The following GTF2E2 variants were observed in gnomAD, a reference collection of about 807,000 sequenced individuals.
GTF2E2 encodes transcription initiation factor IIE subunit beta.
A neutral mutation model predicts 40.5 loss-of-function variants in GTF2E2; 21 were observed. The observed-to-expected ratio is 0.52, with a 90% CI of 0.37 to 0.75. GTF2E2 has a LOEUF of 0.75. Ranked by LOEUF, GTF2E2 falls within the 30% of genes least tolerant of loss-of-function variation. The pLI is 0.00. For synonymous variants in GTF2E2, 117 were observed against 121.6 expected, an observed-to-expected ratio of 0.96 and a Z score of 0.25; for missense variants, 298 against 338.4, an observed-to-expected ratio of 0.88 and a Z score of 0.94.
chr8:30,654,353 TTAAA>T (rs1182242177), intron 1 of GTF2E2, among the ~76,000 whole-genome samples: 16 of 152,288 alleles, frequency 1.1e-4, no homozygotes, highest in African/African-American at 3.6e-4. Context: ...ATATACTGGG[TTAAA>T]TAAAATGTTA....
rs1470024558 is a variant in GTF2E2, at chr8:30,612,225, T to C, written c.549+74A>G. The C allele has an allele frequency of 5.3e-6, 5 of 943,184 alleles. No homozygotes were observed. The African/African-American group carries it at 6.6e-5, about 12-fold the overall frequency. 58.4% of individuals were successfully genotyped at this position (943,184 alleles called of 1,614,324 possible). Reference sequence around the variant, plus strand: ...AAGCTTTAAAAACAATTGTAAAATGTTTGATATTTTTAAAACCAAGAAGTC... The same window carrying C: ...AAGCTTTAAAAACAATTGTAAAATGCTTGATATTTTTAAAACCAAGAAGTC... On this transcript the variant is annotated intron_variant, in intron 5 of 7. Coordinates refer to ENST00000355904, the MANE Select transcript of GTF2E2 (RefSeq NM_002095.6).
chr8:30,638,686 T>G (rs1047909339), intron 2 of GTF2E2: 1 of 152,616 alleles, frequency 6.6e-6, no homozygotes, highest in Non-Finnish European at 1.5e-5. Context: ...GTCCTTATGA[T>G]GCAATAGGAA....
chr8:30,615,540 A>G (rs1006963247), intron 3 of GTF2E2, among the ~76,000 whole-genome samples: 6 of 152,216 alleles, frequency 3.9e-5, no homozygotes, highest in Non-Finnish European at 7.3e-5. Flanking sequence ...TCCACTACAC[A>G]GATGTTCACA....
intron 6 of GTF2E2, among the ~76,000 whole-genome samples, chr8:30,587,029 T>A (rs958055276): frequency 3.9e-5 from 6 of 152,226 alleles, no homozygotes; most frequent in African/African-American, 1.4e-4. Context: ...ACCAAAAAGC[T>A]GCAGCATGGC....
At chr8:30,588,193 C>A (rs1828738833) in intron 6 of GTF2E2, among the ~76,000 whole-genome samples, 1 of 152,152 alleles carries the variant, frequency 6.6e-6, no homozygotes. Flanking sequence ...ACTAGATTAT[C>A]ATTTGATCCA....
intron 4 of GTF2E2, among the ~76,000 whole-genome samples, chr8:30,613,185 T>C (rs1415048336): frequency 6.6e-6 from 1 of 152,204 alleles, no homozygotes; most frequent in African/African-American, 2.4e-5. Flanking sequence ...ATCTGCAAAG[T>C]ACAGCTTATC....
chr8:30,623,993 T>C (rs1801191328), intron 3 of GTF2E2, among the ~76,000 whole-genome samples: 1 of 152,148 alleles, frequency 6.6e-6, no homozygotes, highest in Non-Finnish European at 1.5e-5. Flanking sequence ...TTTCTTTTGC[T>C]GTGCAGAAGC....
intron 6 of GTF2E2, among the ~76,000 whole-genome samples, chr8:30,606,097 T>G (rs1829308836): frequency 6.6e-6 from 1 of 152,228 alleles, no homozygotes; most frequent in East Asian, 1.9e-4. Flanking sequence ...CTACAATGGA[T>G]AGCATAAGTT....
chr8:30,626,341 C>T (rs539913766), intron 3 of GTF2E2, among the ~76,000 whole-genome samples: 5 of 152,140 alleles, frequency 3.3e-5, no homozygotes, highest in South Asian at 2.1e-4. Flanking sequence ...AAAATTTAGC[C>T]GGGCGTGGTG....
intron 6 of GTF2E2, among the ~76,000 whole-genome samples, chr8:30,605,388 A>T (rs1240321157): frequency 6.6e-6 from 1 of 152,232 alleles, no homozygotes; most frequent in Non-Finnish European, 1.5e-5. Context: ...CAATAGCATA[A>T]GCATATTATT....
In GTF2E2 at chr8:30,578,422, C is replaced by G. The variant is rs1481018752; in HGVS notation, c.*499G>C. ...GCAACACAGTGCAGACTGCAGGCTT[C>G]ATCACATCCCCAGCACGTGACCCAT... is the stretch of plus-strand genomic sequence containing the variant. On this transcript the variant is annotated 3_prime_UTR_variant, in exon 8 of 8. Transcript: ENST00000355904. 1 of 157,542 alleles carries G rather than the reference C, an allele frequency of 6.3e-6. No homozygotes were observed. The highest frequency in any genetic ancestry group is 6.4e-5 in the Admixed American group (1 of 15,730). The allele number at this position is 157,542 out of a possible 1,614,324, so 9.8% of individuals were successfully genotyped here.
intron 5 of GTF2E2, among the ~76,000 whole-genome samples, chr8:30,608,196 G>C (rs1829378330): frequency 6.6e-6 from 1 of 152,136 alleles, no homozygotes. Flanking sequence ...ATTCATCATA[G>C]GAATAAAGTC....
chr8:30,644,734 T>G (rs1391984829), intron 2 of GTF2E2, among the ~76,000 whole-genome samples: 1 of 145,640 alleles, frequency 6.9e-6, no homozygotes, highest in Non-Finnish European at 1.5e-5. Context: ...CATTAGCAGT[T>G]AATTTCGGTA....
Position 30,607,118 on chromosome 8 carries a change from A to G in GTF2E2, c.582T>C (p.Arg194=), listed in dbSNP as rs1829338221. 1 of 1,481,772 alleles carries G rather than the reference A, an allele frequency of 6.7e-7. No individual in the cohort carries two copies. The highest frequency in any genetic ancestry group is 1.4e-5 in the African/African-American group (1 of 71,432). 91.8% of individuals were successfully genotyped at this position (1,481,772 alleles called of 1,614,324 possible). Residue 194 remains arginine (R), a synonymous_variant, in exon 6 of 8, where the codon CGT becomes CGC. Coordinates refer to ENST00000355904, the MANE Select transcript of GTF2E2 (RefSeq NM_002095.6). ...ALGDQILFVN[R]PDKKKILFFN... ...AGAAAAGTATTTTCTTCTTATCGGG[A>G]CGATTTACAAATAGTATCTGGTCCC...
At chr8:30,650,419 G>GTA (rs1802233185) in intron 2 of GTF2E2, among the ~76,000 whole-genome samples, 1 of 151,644 alleles carries the variant, frequency 6.6e-6, no homozygotes, top group African/African-American at 2.4e-5. Context: ...GTCAGATGCA[G>GTA]TAGCTTATGC....
At chr8:30,650,953 G>A (rs1322398243) in intron 2 of GTF2E2, among the ~76,000 whole-genome samples, 1 of 148,748 alleles carries the variant, frequency 6.7e-6, no homozygotes, top group Non-Finnish European at 1.5e-5. Context: ...AGTGGAGCTT[G>A]CACTGAGCTG....
intron 6 of GTF2E2, among the ~76,000 whole-genome samples, chr8:30,603,386 C>A (rs188334598): frequency 1.4e-4 from 21 of 151,844 alleles, no homozygotes; most frequent in Admixed American, 1.3e-3. Flanking sequence ...AGCCATATGC[C>A]ATCTAGAAAG....
At chr8:30,620,060 G>C (rs1205833126) in intron 3 of GTF2E2, among the ~76,000 whole-genome samples, 2 of 152,012 alleles carry the variant, frequency 1.3e-5, no homozygotes, top group Non-Finnish European at 2.9e-5. Context: ...AGAGTAAAGA[G>C]ATGCTCCCCT....
intron 1 of GTF2E2, among the ~76,000 whole-genome samples, chr8:30,656,575 G>A (rs981494839): frequency 1.3e-5 from 2 of 152,172 alleles, no homozygotes; most frequent in Non-Finnish European, 2.9e-5. Flanking sequence ...TTGGGAGGCC[G>A]AGGAGGGCGG....
Sources: gnomAD v4.1 joint callset for allele counts (sites outside exome capture counted in the v4.1 genomes callset) on GRCh38, gnomAD v4.1.1 for gene constraint, MANE v1.5 for transcripts, NCBI Gene and HGNC (gene_info 2026-07-23, HGNC 2026-07-21) for gene names.